The following DOCK3 variants were observed in gnomAD, a reference collection of about 807,000 sequenced individuals.
DOCK3 encodes dedicator of cytokinesis 3.
Under a neutral mutation model 265.6 loss-of-function variants are expected in DOCK3, and 60 were observed. That is an observed-to-expected ratio of 0.23 (90% confidence interval 0.18 to 0.28). The LOEUF (loss-of-function observed/expected upper bound fraction) is 0.28. Among genes scored for constraint, DOCK3 ranks in the 10% least tolerant of loss-of-function variants. The pLI is 1.00. For synonymous variants in DOCK3, 881 were observed against 938.0 expected (o/e 0.94, Z 1.11); for missense variants, 1,981 against 2,594.3 (o/e 0.76, Z 5.14).
At chr3:51,314,366 C>G (rs1015833563) in intron 31 of DOCK3, among the ~76,000 whole-genome samples, 1 of 152,142 alleles carries the variant, frequency 6.6e-6, no homozygotes, top group Non-Finnish European at 1.5e-5. Flanking sequence ...AAAGGGAGTT[C>G]AGGGTGGGTA....
chr3:51,214,068 TAC>T, intron 13 of DOCK3, 52 bp from the exon 14 acceptor site: 1 of 1,609,102 alleles, frequency 6.2e-7, no homozygotes, highest in Non-Finnish European at 8.5e-7. Context: ...TCTTTTCAAG[TAC>T]TATATAACAG....
At chr3:50,940,339 T>G (rs1023642201) in intron 5 of DOCK3, among the ~76,000 whole-genome samples, 2 of 145,480 alleles carry the variant, frequency 1.4e-5, no homozygotes, top group African/African-American at 5.0e-5. Context: ...CACTTGGGCA[T>G]AAATCCAACA....
At chr3:50,825,724 A>G (rs1173491479) in intron 2 of DOCK3, among the ~76,000 whole-genome samples, 3 of 152,164 alleles carry the variant, frequency 2.0e-5, no homozygotes, top group South Asian at 2.1e-4. Flanking sequence ...GTAGGAGACT[A>G]GAAGACTTTT....
At chr3:50,961,816 A>C (rs113893449) in intron 5 of DOCK3, among the ~76,000 whole-genome samples, 1 of 152,300 alleles carries the variant, frequency 6.6e-6, no homozygotes, top group African/African-American at 2.4e-5. Flanking sequence ...CCTTGGTCTT[A>C]CTAAATCTCT....
intron 31 of DOCK3, 109 bp downstream of exon 31, chr3:51,313,011 A>ATATGTAAGGATCTCTTG: frequency 3.0e-6 from 3 of 1,008,564 alleles, no homozygotes; most frequent in Non-Finnish European, 4.5e-6. Context: ...CAGGCCCAAG[A>ATATGTAAGGATCTCTTG]GATCCTTACA....
Position 50,778,685 on chromosome 3 carries a change from C to T in DOCK3, c.48C>T (p.Ser16=), listed in dbSNP as rs540330072. 27 of 1,584,202 alleles carry T rather than the reference C, an allele frequency of 1.7e-5. No homozygotes were observed. The South Asian group carries it at 2.9e-4, about 17-fold the overall frequency. ...TCCTTGCTTTTCTAGTGATATGCAG[C>T]TTTCGAGGATCTGTCCCTCAAGGGT... is the stretch of plus-strand genomic sequence containing the variant. ...EEEKYGVVIC[S]FRGSVPQGLV... Residue 16 remains serine, a synonymous_variant, in exon 2 of 53, where the codon AGC becomes AGT. Coordinates refer to ENST00000266037, the MANE Select transcript of DOCK3 (RefSeq NM_004947.5).
chr3:51,145,188 A>C (rs1480112127), intron 9 of DOCK3, among the ~76,000 whole-genome samples: 1 of 152,108 alleles, frequency 6.6e-6, no homozygotes, highest in Non-Finnish European at 1.5e-5. Context: ...CAAAATTTTT[A>C]TAAGTTGCTG....
chr3:50,882,065 A>C (rs144106491), intron 3 of DOCK3, among the ~76,000 whole-genome samples: 200 of 152,250 alleles, frequency 1.3e-3, no homozygotes, highest in African/African-American at 4.7e-3. Context: ...CTAGCCATAC[A>C]TAGAAAGCTG....
chr3:50,824,282 G>A (rs1041243959), intron 2 of DOCK3, among the ~76,000 whole-genome samples: 1 of 152,194 alleles, frequency 6.6e-6, no homozygotes. Flanking sequence ...CACCTGGAAA[G>A]CGTTTCATTC....
chr3:51,327,846 CT>C (rs1158852885), intron 32 of DOCK3, among the ~76,000 whole-genome samples: 1 of 151,758 alleles, frequency 6.6e-6, no homozygotes, highest in African/African-American at 2.4e-5. Context: ...CGCCTGGCTA[CT>C]TTTTTTGTAT....
chr3:50,910,103 T>G (rs1217734706), intron 4 of DOCK3, among the ~76,000 whole-genome samples: 1 of 152,078 alleles, frequency 6.6e-6, no homozygotes, highest in African/African-American at 2.4e-5. Flanking sequence ...ATGGCTATTC[T>G]CATTATCAGC....
intron 5 of DOCK3, among the ~76,000 whole-genome samples, chr3:50,977,624 G>C (rs1292502953): frequency 6.6e-6 from 1 of 152,038 alleles, no homozygotes; most frequent in African/African-American, 2.4e-5. Context: ...TATGTGTCTT[G>C]GAGTTGCTCT....
chr3:51,218,634 A>G (rs1362096984), intron 14 of DOCK3, among the ~76,000 whole-genome samples: 3 of 151,992 alleles, frequency 2.0e-5, no homozygotes, highest in African/African-American at 4.8e-5. Flanking sequence ...GTTTTAACCT[A>G]TTTTCTAAGA....
At chr3:50,936,474 A>G (rs1447681737) in intron 5 of DOCK3, among the ~76,000 whole-genome samples, 1 of 152,086 alleles carries the variant, frequency 6.6e-6, no homozygotes, top group Non-Finnish European at 1.5e-5. Flanking sequence ...TGAACTCCAA[A>G]TGGGAAAACC....
intron 1 of DOCK3, among the ~76,000 whole-genome samples, chr3:50,712,746 T>C (rs536566977): frequency 6.6e-6 from 1 of 152,236 alleles, no homozygotes; most frequent in African/African-American, 2.4e-5. Context: ...TAGGAGTGTG[T>C]TGTTTAATTT....
At chr3:51,218,208 T>C (rs975780602) in intron 14 of DOCK3, among the ~76,000 whole-genome samples, 21 of 151,748 alleles carry the variant, frequency 1.4e-4, no homozygotes, top group African/African-American at 4.8e-4. Flanking sequence ...CCGAGGCAGG[T>C]GGATCACCTG....
chr3:50,968,392 G>A (rs2077095310), intron 5 of DOCK3, among the ~76,000 whole-genome samples: 1 of 152,178 alleles, frequency 6.6e-6, no homozygotes. Flanking sequence ...TGGATGTAGT[G>A]TGTAAGGTGA....
rs755173484 is a variant in DOCK3 at position 51,361,888 on chromosome 3, A to G, written c.5036A>G (p.His1679Arg). 1.9e-6 allele frequency: 3 copies of G among 1,613,498 alleles called. No homozygotes were observed. The highest frequency in any genetic ancestry group is 1.7e-5 in the Admixed American group (1 of 59,960). Residue 1679 changes from histidine (H) to arginine (R), a missense_variant, in exon 48 of 53, where the codon CAT becomes CGT. Transcript: ENST00000266037. This position sits in a 1 kb window ranked among gnomAD's most constrained non-coding sequence, Gnocchi z 4.2. ...ATGAACTTGATGGGCACAGGCCGCC[A>G]TTCATCATCCTCTCTCTCCTCACAT... is the stretch of plus-strand genomic sequence containing the variant. ...SPMNLMGTGR[H>R]SSSSLSSHAS... is the part of the protein sequence containing the mutation.
intron 1 of DOCK3, among the ~76,000 whole-genome samples, chr3:50,713,656 T>A (rs531760422): frequency 2.9e-4 from 42 of 147,042 alleles, no homozygotes; most frequent in South Asian, 8.4e-4. Context: ...ATATATATAT[T>A]TTTTGTTTGT....
Sources: gnomAD v4.1 joint callset for allele counts (sites outside exome capture counted in the v4.1 genomes callset) on GRCh38, gnomAD v4.1.1 for gene constraint, Gnocchi (gnomAD v3.1) non-coding constraint, MANE v1.5 for transcripts, NCBI Gene and HGNC (gene_info 2026-07-23, HGNC 2026-07-21) for gene names.